FGL1: variants seen among roughly 807,000 people sequenced by gnomAD.
The protein encoded by FGL1 is fibrinogen-like protein 1.
In FGL1, 59 loss-of-function variants were observed where a neutral mutation model predicts 43.7. The ratio of observed to expected loss-of-function variants is 1.35; its 90% CI spans 1.10 to 1.68. The LOEUF is 1.68. Among genes scored for constraint, FGL1 ranks in the 40% most tolerant of loss-of-function variants. The pLI, the probability that FGL1 is intolerant of heterozygous loss-of-function variation, is 0.00. For missense variants in FGL1, 596 were observed against 373.0 expected (o/e 1.60, Z -4.92); for synonymous variants, 192 against 126.5 (o/e 1.52, Z -3.48).
intron 1 of FGL1, chr8:17,891,250 C>G (rs1490695833): frequency 6.6e-6 from 1 of 152,132 alleles, no homozygotes; most frequent in African/African-American, 2.4e-5. Flanking sequence ...AGTTTATTAT[C>G]TCACAGTTCT....
intron 5 of FGL1, among the ~76,000 whole-genome samples, chr8:17,870,936 C>G (rs1224615883): frequency 2.4e-5 from 3 of 125,530 alleles, no homozygotes; most frequent in Admixed American, 7.6e-5. Flanking sequence ...AGCCTCCCCT[C>G]AAGCTTAAGG....
intron 3 of FGL1, among the ~76,000 whole-genome samples, chr8:17,875,543 T>TTCTTTCTCTCTCTCTCTC (rs1563452422): frequency 5.9e-5 from 1 of 16,828 alleles, no homozygotes; most frequent in African/African-American, 1.7e-4. Flanking sequence ...TTCTCTTTCT[T>TTCTTTCTCTCTCTCTCTC]TCTTTCTTTC....
intron 1 of FGL1, among the ~76,000 whole-genome samples, chr8:17,888,308 A>T (rs2053658022): frequency 1.3e-5 from 2 of 152,194 alleles, no homozygotes; most frequent in Non-Finnish European, 2.9e-5. Context: ...TTTGCTATCA[A>T]TTAATATTCG....
intron 1 of FGL1, chr8:17,885,832 G>A (rs2073564): frequency 0.57 from 211,760 of 370,932 alleles, 65,211 homozygotes; most frequent in Non-Finnish European, 0.68. Context: ...TGCTGTTTGT[G>A]TTATGCTGTG....
chr8:17,874,040 G>A lies in FGL1; in HGVS notation c.481C>T (p.Leu161Phe), dbSNP rs374685173. The A allele has an allele frequency of 6.2e-7, 1 of 1,610,382 alleles. No individual in the cohort carries two copies. Among genetic ancestry groups the A allele is most frequent in the Non-Finnish European group, 8.5e-7 (1 of 1,178,942 alleles). The change falls in exon 5 of 8, where the codon CTT becomes TTT. Residue 161 changes from leucine (L) to phenylalanine (F), a missense_variant. Coordinates refer to ENST00000427924, the MANE Select transcript of FGL1 (RefSeq NM_004467.4). ...HGEYWLGNKN[L>F]HFLTTQEDYT... is the part of the protein sequence containing the mutation. ...TTACCTTGAGTGGTCAAGAAGTGAA[G>A]ATTTTTATTGCCCAGCCAATATTCA...
chr8:17,875,032 C>T lies in FGL1; in HGVS notation c.245-511G>A, dbSNP rs367834592. 5.7e-4 allele frequency among the ~76,000 whole-genome samples: 86 copies of T among 152,130 alleles called. 1 individual carries two copies. The highest frequency in any genetic ancestry group is 2.0e-3 in the African/African-American group (82 of 41,504). On this transcript the variant is annotated intron_variant, in intron 3 of 7. Coordinates refer to ENST00000427924, the MANE Select transcript of FGL1 (RefSeq NM_004467.4). ...AGGTGGAACTTACAGTTTTATCAGA[C>T]GGAATAGTAAAATTTATCTCACCCA...
At chr8:17,873,042 A>G (rs1458942892) in intron 5 of FGL1, among the ~76,000 whole-genome samples, 1 of 152,242 alleles carries the variant, frequency 6.6e-6, no homozygotes, top group Non-Finnish European at 1.5e-5. Flanking sequence ...TTTCAGCATT[A>G]AAGATGAGAT....
intron 1 of FGL1, chr8:17,891,134 C>T (rs1043509273): frequency 6.6e-6 from 1 of 152,206 alleles, no homozygotes; most frequent in Non-Finnish European, 1.5e-5. Flanking sequence ...GTGGCTACAT[C>T]TATTATGTAT....
intron 1 of FGL1, among the ~76,000 whole-genome samples, chr8:17,893,378 A>G (rs962524062): frequency 1.3e-5 from 2 of 151,224 alleles, no homozygotes; most frequent in Non-Finnish European, 2.9e-5. Context: ...ATATACGTAT[A>G]TGTATGAACA....
intron 7 of FGL1, among the ~76,000 whole-genome samples, chr8:17,867,524 A>T (rs970074865): frequency 1.3e-5 from 2 of 152,272 alleles, no homozygotes; most frequent in African/African-American, 4.8e-5. Context: ...AACAACTAAT[A>T]ATAAAAGATT....
intron 5 of FGL1, among the ~76,000 whole-genome samples, chr8:17,869,331 G>A (rs766284905): frequency 3.9e-5 from 6 of 151,996 alleles, no homozygotes; most frequent in South Asian, 2.1e-4. Context: ...TGAAAGGGTC[G>A]ACGTTTTACC....
At chr8:17,890,210 T>G (rs942826179) in intron 1 of FGL1, among the ~76,000 whole-genome samples, 7 of 152,198 alleles carry the variant, frequency 4.6e-5, no homozygotes, top group Non-Finnish European at 7.3e-5. Flanking sequence ...CCACCTCTAT[T>G]GCTAATGTCT....
intron 2 of FGL1, among the ~76,000 whole-genome samples, chr8:17,883,107 TA>T (rs1279660675): frequency 1.5e-3 from 71 of 47,720 alleles, no homozygotes; most frequent in Non-Finnish European, 1.9e-3. Flanking sequence ...ATATATTAAA[TA>T]ATATATATCA....
intron 3 of FGL1, among the ~76,000 whole-genome samples, chr8:17,877,496 C>A (rs2517303): frequency 0.72 from 110,124 of 151,974 alleles, 40,456 homozygotes; most frequent in Non-Finnish European, 0.79. Flanking sequence ...CAAAGTACCC[C>A]ACATTCTAAA....
intron 3 of FGL1, among the ~76,000 whole-genome samples, chr8:17,879,339 T>C (rs1433912969): frequency 6.6e-6 from 1 of 152,070 alleles, no homozygotes; most frequent in East Asian, 1.9e-4. Context: ...CTTCCCAAAG[T>C]CTGCTCCCCA....
chr8:17,885,236 G>T (rs575224606), intron 2 of FGL1, among the ~76,000 whole-genome samples: 1 of 151,844 alleles, frequency 6.6e-6, no homozygotes, highest in South Asian at 2.1e-4. Context: ...GTAAAGATGG[G>T]GTTTCACCAT....
At chr8:17,890,744 G>C (rs1035911444) in intron 1 of FGL1, among the ~76,000 whole-genome samples, 1 of 152,110 alleles carries the variant, frequency 6.6e-6, no homozygotes, top group Non-Finnish European at 1.5e-5. Flanking sequence ...TTACAGTCGT[G>C]GTGGAAGGGG....
intron 3 of FGL1, among the ~76,000 whole-genome samples, chr8:17,875,137 G>A (rs148758022): frequency 6.6e-6 from 1 of 152,174 alleles, no homozygotes; most frequent in East Asian, 1.9e-4. Context: ...AAATCATTCT[G>A]GACATCTGAA....
rs1228425162 is a variant in FGL1 at position 17,883,243 on chromosome 8, T to C, written c.64-1064A>G. Among the ~76,000 whole-genome samples the C allele has an allele frequency of 2.0e-4, 20 of 100,660 alleles. 2 individuals carry two copies. Among genetic ancestry groups the C allele is most frequent in the African/African-American group, 7.8e-4 (18 of 23,214 alleles). The allele number at this position is 100,660 out of a possible 152,430, so 66.0% of individuals were successfully genotyped here. A position where few individuals can be genotyped will look rare whatever the true frequency, so the allele number is the denominator to read the frequency against. On this transcript the variant is annotated intron_variant, in intron 2 of 7. Transcript: ENST00000427924. The stretch of plus-strand genomic sequence containing the variant: ...ATATCATATATAATATATTAAATAA[T>C]ATATAATATATATCATATATAATAT...
Sources: gnomAD v4.1 joint callset for allele counts (sites outside exome capture counted in the v4.1 genomes callset) on GRCh38, gnomAD v4.1.1 for gene constraint, MANE v1.5 for transcripts, NCBI Gene and HGNC (gene_info 2026-07-23, HGNC 2026-07-21) for gene names.